SVEP1: variants seen among roughly 807,000 people sequenced by gnomAD.
SVEP1 encodes the protein sushi, von Willebrand factor type A, EGF and pentraxin domain-containing protein 1.
Under a neutral mutation model 367.3 loss-of-function variants are expected in SVEP1, and 164 were observed. The ratio of observed to expected loss-of-function variants is 0.45; its 90% CI spans 0.39 to 0.51. The LOEUF is 0.51. Ranked by LOEUF, SVEP1 falls within the 20% of genes least tolerant of loss-of-function variation. The pLI is 0.00. For missense variants in SVEP1, 4,117 were observed against 4,425.3 expected (o/e 0.93, Z 1.98); for synonymous variants, 1,666 against 1,611.6 (o/e 1.03, Z -0.81).
intron 8 of SVEP1, among the ~76,000 whole-genome samples, chr9:110,491,245 T>A (rs754487796): frequency 2.0e-5 from 3 of 151,960 alleles, no homozygotes; most frequent in Non-Finnish European, 4.4e-5. Flanking sequence ...ATCTAGGTAT[T>A]CTTCTACTTT....
At chr9:110,551,796 A>G (rs781503252) in intron 1 of SVEP1, among the ~76,000 whole-genome samples, 7 of 152,164 alleles carry the variant, frequency 4.6e-5, no homozygotes, top group Non-Finnish European at 8.8e-5. Flanking sequence ...AGGAAGAGGG[A>G]AAGAGTTAGG....
In SVEP1 at chr9:110,579,097, C is replaced by T. The variant is rs1466069907; in HGVS notation, c.447G>A (p.Lys149=). 6.4e-7 allele frequency: 1 copy of T among 1,552,918 alleles called. No individual in the cohort carries two copies. The highest frequency in any genetic ancestry group is 8.7e-7 in the Non-Finnish European group (1 of 1,148,430). The change falls in exon 1 of 48, where the codon AAG becomes AAA. Residue 149 remains lysine, a synonymous_variant. Transcript: ENST00000374469. This position sits in a 1 kb window ranked among gnomAD's most constrained non-coding sequence, Gnocchi z 5.3. ...GGATCTCTTGGAGGAGCAGCGCGCA[C>T]TTGTGCTGGCGCGCGCGGCGGGTGG... ...YISTRRARQH[K]CALLLQEIPA...
At chr9:110,472,422 T>C in intron 14 of SVEP1, 99 bp from the exon 15 acceptor site, 11 of 1,194,812 alleles carry the variant, frequency 9.2e-6, no homozygotes, top group Non-Finnish European at 1.3e-5. Flanking sequence ...CACTTGACCA[T>C]TTCCTCAAAT....
At chr9:110,404,603 T>C in intron 38 of SVEP1, 51 bp from the exon 39 acceptor site, 1 of 1,534,098 alleles carries the variant, frequency 6.5e-7, no homozygotes. Flanking sequence ...CAATATAGTT[T>C]CTGATCTATC....
At chr9:110,395,408 G>A (rs547615847) in intron 40 of SVEP1, among the ~76,000 whole-genome samples, 8 of 152,166 alleles carry the variant, frequency 5.3e-5, no homozygotes, top group Non-Finnish European at 1.0e-4. Flanking sequence ...ATGCCAAATT[G>A]TAAAGACCAT....
intron 1 of SVEP1, 43 bp downstream of exon 1, chr9:110,578,970 G>T: frequency 6.5e-7 from 1 of 1,539,376 alleles, no homozygotes; most frequent in African/African-American, 1.4e-5. Flanking sequence ...GGGTCGAAGG[G>T]CCCGGGGACT....
intron 47 of SVEP1, among the ~76,000 whole-genome samples, chr9:110,369,074 C>T (rs10816995): frequency 0.21 from 31,953 of 151,982 alleles, 3,944 homozygotes; most frequent in Middle Eastern, 0.35. Context: ...GGTAAGTGTA[C>T]ATAATACAAA....
At chr9:110,389,967 T>C (rs551951027) in intron 40 of SVEP1, among the ~76,000 whole-genome samples, 2 of 147,770 alleles carry the variant, frequency 1.4e-5, no homozygotes, top group African/African-American at 5.0e-5. Flanking sequence ...ACATACACAA[T>C]AGAGTACTAT....
chr9:110,445,396 G>A (rs1232489391), intron 26 of SVEP1, among the ~76,000 whole-genome samples: 3 of 152,142 alleles, frequency 2.0e-5, no homozygotes, highest in Non-Finnish European at 2.9e-5. Context: ...GTCTCCCAAG[G>A]TCAATGATGT....
At chr9:110,377,979 T>G (rs74356539) in intron 44 of SVEP1, among the ~76,000 whole-genome samples, 12,289 of 152,228 alleles carry the variant, frequency 0.081, 981 homozygotes, top group African/African-American at 0.21. Context: ...TGTCATTCTG[T>G]GTCTGGCTTA....
At chr9:110,501,304 T>C (rs921992542) in intron 6 of SVEP1, among the ~76,000 whole-genome samples, 2 of 151,580 alleles carry the variant, frequency 1.3e-5, no homozygotes, top group Admixed American at 1.3e-4. Flanking sequence ...TCCACACGTT[T>C]CTATTTAAGG....
rs1268874778 is a variant in SVEP1, at chr9:110,407,052, T to C, written c.8548A>G (p.Thr2850Ala). The C allele has an allele frequency of 6.2e-7, 1 of 1,613,936 alleles. No homozygotes were observed. Among genetic ancestry groups the C allele is most frequent in the South Asian group, 1.1e-5 (1 of 91,082 alleles). The stretch of plus-strand genomic sequence containing the variant: ...GTGTATTCAATCTCTTTTTGGAATG[T>C]GTACTCGTCTCCTCTCACCTGGCCA... ...ANGQVRGDEY[T>A]FQKEIEYTCN... The change falls in exon 38 of 48, where the codon ACA (threonine) becomes GCA (alanine). Residue 2850 changes from threonine (T) to alanine (A), a missense_variant. Thr to Ala is a moderately conservative substitution (Grantham distance 58, BLOSUM62 0). Around this residue, in one of 4 missense-constraint regions of SVEP1, gnomAD observed 1,765 missense variants for 1,781.1 expected, o/e 0.99. Coordinates refer to ENST00000374469, the MANE Select transcript of SVEP1 (RefSeq NM_153366.4).
chr9:110,520,481 A>T (rs939932820), intron 3 of SVEP1, among the ~76,000 whole-genome samples: 6 of 152,154 alleles, frequency 3.9e-5, no homozygotes, highest in African/African-American at 9.7e-5. Context: ...TTTCAGAAAC[A>T]TCTTGGCGGT....
intron 36 of SVEP1, among the ~76,000 whole-genome samples, 165 bp from the exon 37 acceptor site, chr9:110,411,900 TGA>T (rs1317959407): frequency 6.6e-6 from 1 of 152,228 alleles, no homozygotes; most frequent in Non-Finnish European, 1.5e-5. Flanking sequence ...GACTTTCACT[TGA>T]GATATGTCAA....
rs1344568109 is a variant in SVEP1, at chr9:110,445,992, A to G, written c.4308T>C (p.Tyr1436=). 6.2e-7 allele frequency: 1 copy of G among 1,613,694 alleles called. No individual in the cohort carries two copies. Among genetic ancestry groups the G allele is most frequent in the African/African-American group, 1.3e-5 (1 of 74,898 alleles). Residue 1436 remains tyrosine, a synonymous_variant, in exon 26 of 48, where the codon TAT becomes TAC. Transcript: ENST00000374469. The part of the protein sequence containing the change: ...FNLDFEVSGI[Y]GYVMLDGMLP... Reference sequence around the variant, plus strand: ...GCATGCCATCTAGCATGACATATCCATAGATGCCAGAAACTTCAAAATCCA... The same window carrying G: ...GCATGCCATCTAGCATGACATATCCGTAGATGCCAGAAACTTCAAAATCCA...
Position 110,517,356 on chromosome 9 carries a change from G to A in SVEP1, c.965-3250C>T, listed in dbSNP as rs780724787. On this transcript the variant is annotated intron_variant, in intron 3 of 47. Coordinates refer to ENST00000374469, the MANE Select transcript of SVEP1 (RefSeq NM_153366.4). ...CTCATGCCTATAATCCCAGCAATTTGGGAGGTCGAGGTGGGTGGATCACCT... is the reference window on the plus strand; with the variant it reads ...CTCATGCCTATAATCCCAGCAATTTAGGAGGTCGAGGTGGGTGGATCACCT... Among the ~76,000 whole-genome samples the A allele has an allele frequency of 2.0e-5, 3 of 152,034 alleles. No individual in the cohort carries two copies. In the South Asian group the frequency reaches 6.2e-4, roughly 32 times the overall value.
chr9:110,472,380 C>A, intron 14 of SVEP1, 57 bp from the exon 15 acceptor site: 1 of 1,492,388 alleles, frequency 6.7e-7, no homozygotes, highest in South Asian at 1.4e-5. Context: ...CGTCAGCGTT[C>A]AGGTTCTAAT....
chr9:110,403,314 T>G (rs1461567955), intron 39 of SVEP1, among the ~76,000 whole-genome samples: 1 of 136,454 alleles, frequency 7.3e-6, no homozygotes, highest in African/African-American at 2.9e-5. Context: ...TTTTTTTTTT[T>G]TTTTTTTTTG....
chr9:110,474,846 C>A (rs1370245566), intron 14 of SVEP1, among the ~76,000 whole-genome samples: 2 of 152,020 alleles, frequency 1.3e-5, no homozygotes, highest in Non-Finnish European at 2.9e-5. Context: ...GGATAATATT[C>A]AAACTGTACT....
Sources: gnomAD v4.1 joint callset for allele counts (sites outside exome capture counted in the v4.1 genomes callset) on GRCh38, gnomAD v4.1.1 for gene constraint, gnomAD v4.1.1 regional missense constraint, Gnocchi (gnomAD v3.1) non-coding constraint, MANE v1.5 for transcripts, NCBI Gene and HGNC (gene_info 2026-07-23, HGNC 2026-07-21) for gene names.